Variants in GRIP1 observed in about 807,000 individuals in gnomAD.
The protein encoded by GRIP1 is glutamate receptor interacting protein 1.
In GRIP1, 45 loss-of-function variants were observed where a neutral mutation model predicts 129.9. The ratio of observed to expected loss-of-function variants is 0.35; its 90% confidence interval spans 0.27 to 0.44. GRIP1 has a LOEUF of 0.44. Among genes scored for constraint, GRIP1 ranks in the 20% least tolerant of loss-of-function variants. The probability of loss-of-function intolerance (pLI) is 1.00; values close to 1 mark genes in which losing one functional copy is unlikely to be tolerated. For synonymous variants in GRIP1, 530 were observed against 520.8 expected, an observed-to-expected ratio of 1.02 and a Z score of -0.24; for missense variants, 1,196 against 1,396.8, an observed-to-expected ratio of 0.86 and a Z score of 2.29.
In GRIP1 at chr12:66,933,101, T is replaced by C. The variant is rs546506623; in HGVS notation, c.58+135949A>G. Among the ~76,000 whole-genome samples the C allele has an allele frequency of 1.3e-3, 195 of 152,362 alleles. 2 individuals are homozygous for C. The highest frequency in any genetic ancestry group is 4.5e-3 in the African/African-American group (188 of 41,586). On this transcript the variant is annotated intron_variant, in intron 1 of 1. Coordinates refer to the GRIP1 transcript ENST00000643019. ...CCTTTAGCCTAATTTTTCTTCTGGA[T>C]ACTGGACTTACTGGCTGAGCATAAA...
chr12:66,827,414 G>A (rs1428517358), intron 1 of GRIP1, among the ~76,000 whole-genome samples: 1 of 149,540 alleles, frequency 6.7e-6, no homozygotes, highest in African/African-American at 2.4e-5. Context: ...GAGAGAGAGA[G>A]AGCGCACAAG....
chr12:66,562,826 C>T (rs1194137167), intron 2 of GRIP1, among the ~76,000 whole-genome samples: 1 of 152,074 alleles, frequency 6.6e-6, no homozygotes. Context: ...TGACTGGAAG[C>T]TTTACTGACA....
upstream of GRIP1, among the ~76,000 whole-genome samples, chr12:66,807,122 G>T (rs1426637924): frequency 1.3e-5 from 2 of 152,018 alleles, no homozygotes; most frequent in African/African-American, 4.8e-5. Context: ...CTAGACACCG[G>T]GTGCTCTGCC....
At chr12:66,631,597 C>T (rs997909344) in intron 1 of GRIP1, among the ~76,000 whole-genome samples, 1 of 148,564 alleles carries the variant, frequency 6.7e-6, no homozygotes, top group Non-Finnish European at 1.5e-5. Context: ...TAAGAAGATG[C>T]GAGATTTCTC....
intron 1 of GRIP1, among the ~76,000 whole-genome samples, chr12:66,989,007 A>AT (rs34646071): frequency 0.15 from 23,453 of 152,138 alleles, 1,906 homozygotes; most frequent in Admixed American, 0.18. Flanking sequence ...CCTGCTGAGC[A>AT]TTTACTATAG....
At chr12:66,638,541 A>T (rs2031622143) in intron 1 of GRIP1, among the ~76,000 whole-genome samples, 1 of 152,202 alleles carries the variant, frequency 6.6e-6, no homozygotes, top group African/African-American at 2.4e-5. Context: ...CAGACAAAAT[A>T]GTTAACAAGT....
At position 66,841,991 on chromosome 12, in the gene GRIP1, G is replaced by A. The variant is rs1242280609; in HGVS notation, c.58+227059C>T. Among the ~76,000 whole-genome samples, 3 of 152,098 alleles carry A rather than the reference G, an allele frequency of 2.0e-5. No individual in the cohort carries two copies. In the East Asian group the frequency reaches 5.8e-4, roughly 29 times the overall value. On this transcript the variant is annotated intron_variant, in intron 1 of 1. Coordinates refer to the GRIP1 transcript ENST00000643019. ...TGGCTATTTTCACTTGCCAAAGTAA[G>A]ATCAGCAATGATTTATCTACCCTTG... is the stretch of plus-strand genomic sequence containing the variant.
chr12:67,046,397 C>G (rs1273288068), intron 1 of GRIP1, among the ~76,000 whole-genome samples: 1 of 152,180 alleles, frequency 6.6e-6, no homozygotes, highest in Non-Finnish European at 1.5e-5. Flanking sequence ...ATACAAGATT[C>G]CTGACATTGC....
At chr12:66,918,563 C>T (rs2041164409) in intron 1 of GRIP1, among the ~76,000 whole-genome samples, 1 of 152,146 alleles carries the variant, frequency 6.6e-6, no homozygotes, top group Non-Finnish European at 1.5e-5. Context: ...TCTGTACTTG[C>T]TCCTAAGTCT....
intron 1 of GRIP1, among the ~76,000 whole-genome samples, chr12:66,641,979 T>C (rs142779553): frequency 6.6e-6 from 1 of 152,338 alleles, no homozygotes; most frequent in African/African-American, 2.4e-5. Flanking sequence ...GACTGCTTTA[T>C]TCTTCAACAG....
At chr12:66,427,170 C>T (rs2058014650) in intron 14 of GRIP1, among the ~76,000 whole-genome samples, 1 of 152,160 alleles carries the variant, frequency 6.6e-6, no homozygotes, top group African/African-American at 2.4e-5. Flanking sequence ...TCACTATCAG[C>T]TTCCCCTCTG....
intron 1 of GRIP1, among the ~76,000 whole-genome samples, chr12:66,781,244 A>G (rs984011024): frequency 6.6e-6 from 1 of 152,228 alleles, no homozygotes; most frequent in Non-Finnish European, 1.5e-5. Context: ...TGATTGGGGT[A>G]GCACAATCAA....
At chr12:66,843,371 AG>A (rs2039755266) in intron 1 of GRIP1, among the ~76,000 whole-genome samples, 1 of 152,148 alleles carries the variant, frequency 6.6e-6, no homozygotes, top group Non-Finnish European at 1.5e-5. Context: ...GGGTTTATTT[AG>A]GAGCTCCTTA....
intron 1 of GRIP1, among the ~76,000 whole-genome samples, chr12:66,795,574 G>T (rs1439674591): frequency 6.6e-6 from 1 of 152,128 alleles, no homozygotes; most frequent in Non-Finnish European, 1.5e-5. Flanking sequence ...AAACATAAAA[G>T]TCCAATCCTC....
At chr12:66,656,796 G>A (rs1228263709) in intron 1 of GRIP1, among the ~76,000 whole-genome samples, 1 of 152,064 alleles carries the variant, frequency 6.6e-6, no homozygotes, top group Non-Finnish European at 1.5e-5. Flanking sequence ...ATTTCAGTTT[G>A]CAACCCGACC....
chr12:66,695,159 T>C (rs1227737947), intron 1 of GRIP1, among the ~76,000 whole-genome samples: 2 of 152,102 alleles, frequency 1.3e-5, no homozygotes, highest in Non-Finnish European at 2.9e-5. Flanking sequence ...AGGCTCTACC[T>C]CCTCTGGGTG....
intron 1 of GRIP1, among the ~76,000 whole-genome samples, chr12:66,875,279 C>T (rs2040364738): frequency 6.6e-6 from 1 of 152,052 alleles, no homozygotes; most frequent in Non-Finnish European, 1.5e-5. Flanking sequence ...TCACATCCTG[C>T]ACTGCCATCA....
rs371343500 is a variant in GRIP1 at position 66,392,437 on chromosome 12, C to T, written c.2335G>A (p.Glu779Lys). 8 of 1,613,972 alleles carry T rather than the reference C, an allele frequency of 5.0e-6. No homozygotes were observed. Among genetic ancestry groups the T allele is most frequent in the Non-Finnish European group, 6.8e-6 (8 of 1,179,968 alleles). Residue 779 changes from glutamate to lysine, a missense_variant, in exon 19 of 25, where the codon GAG becomes AAG. Coordinates refer to ENST00000359742, the MANE Select transcript of GRIP1 (RefSeq NM_001366722.1). ...TTCTGTGCTGGTGAGGAGTCCTCCT[C>T]CACATCCCCCAGGTCACTCAAATGG... is the stretch of plus-strand genomic sequence containing the variant. The part of the protein sequence containing the change: ...SSHLSDLGDV[E>K]EDSSPAQKPG...
At chr12:66,549,629 T>C (rs1440469303) in intron 2 of GRIP1, among the ~76,000 whole-genome samples, 1 of 152,130 alleles carries the variant, frequency 6.6e-6, no homozygotes, top group Non-Finnish European at 1.5e-5. Flanking sequence ...AACTGCTGCA[T>C]TTTCAGTCTC....
Sources: allele counts gnomAD v4.1 joint callset (sites outside exome capture counted in the v4.1 genomes callset), GRCh38; gene constraint gnomAD v4.1.1; transcripts MANE v1.5; gene names NCBI Gene and HGNC (gene_info 2026-07-23, HGNC 2026-07-21).